Variants in CNTNAP5 observed in about 807,000 individuals in gnomAD.
CNTNAP5 encodes the protein contactin-associated protein-like 5.
CNTNAP5 carries 72 observed loss-of-function variants against 150.2 expected under a neutral mutation model. That is an observed-to-expected ratio of 0.48 (90% CI 0.40 to 0.58). The LOEUF (loss-of-function observed/expected upper bound fraction) is 0.58. Among genes scored for constraint, CNTNAP5 ranks in the 20% least tolerant of loss-of-function variants. CNTNAP5 has a pLI of 0.00. For missense variants in CNTNAP5, 1,636 were observed against 1,626.2 expected (o/e 1.01, Z -0.10); for synonymous variants, 672 against 619.8 (o/e 1.08, Z -1.25).
At chr2:124,748,518 G>C (rs748513842) in intron 14 of CNTNAP5, among the ~76,000 whole-genome samples, 4 of 152,028 alleles carry the variant, frequency 2.6e-5, no homozygotes, top group Non-Finnish European at 5.9e-5. Context: ...GCATTCTTTG[G>C]TTTTGGCTTA....
intron 3 of CNTNAP5, among the ~76,000 whole-genome samples, chr2:124,416,511 A>T (rs1049093113): frequency 1.3e-5 from 2 of 152,164 alleles, no homozygotes; most frequent in African/African-American, 2.4e-5. Context: ...TTCACAAGGA[A>T]ATATGTAAAA....
chr2:124,243,823 AAG>A lies in CNTNAP5; in HGVS notation c.381+1432_381+1433del, dbSNP rs201890817. Among the ~76,000 whole-genome samples the A allele has an allele frequency of 1.0e-3, 154 of 152,246 alleles. 3 individuals carry two copies. The East Asian group carries it at 0.023, about 23-fold the overall frequency. ...CTTGAACCTAAAATAAAAGTTGAAA[AAG>A]AAAAAAAATTGTATTTTGGGGACTA... is the stretch of plus-strand genomic sequence containing the variant. On this transcript the variant is annotated intron_variant, in intron 3 of 23. Transcript: ENST00000682447.
At chr2:124,252,404 T>C (rs1311053871) in intron 3 of CNTNAP5, among the ~76,000 whole-genome samples, 1 of 152,028 alleles carries the variant, frequency 6.6e-6, no homozygotes, top group Non-Finnish European at 1.5e-5. Context: ...CTGGCATAGG[T>C]GTATATAGGT....
rs80187544 is a variant in CNTNAP5, at chr2:124,362,855, A to T, written c.382-54588A>T. Among the ~76,000 whole-genome samples the T allele has an allele frequency of 5.3e-3, 800 of 152,300 alleles. 7 individuals carry two copies. Among genetic ancestry groups the T allele is most frequent in the Admixed American group, 9.5e-3 (145 of 15,300 alleles). ...ACACTCTCAATAAGTAATCGACTAC[A>T]TTCTATTTTTTTGTTCAGTGTTCTA... On this transcript the variant is annotated intron_variant, in intron 3 of 23. Coordinates refer to ENST00000682447, the MANE Select transcript of CNTNAP5 (RefSeq NM_001367498.1).
chr2:124,413,149 A>G lies in CNTNAP5; in HGVS notation c.382-4294A>G, dbSNP rs1056114930. On this transcript the variant is annotated intron_variant, in intron 3 of 23. Transcript: ENST00000682447. ...GAAAAAATGCTCATCATCACTGGCC[A>G]TCAGAGAAATGCAAATCAAAACCAC... Among the ~76,000 whole-genome samples the G allele has an allele frequency of 1.5e-5, 2 of 133,154 alleles. 1 individual carries two copies. The highest frequency in any genetic ancestry group is 5.5e-5 in the African/African-American group (2 of 36,212). The allele number at this position is 133,154 out of a possible 152,430, so 87.4% of individuals were successfully genotyped here. A position where few individuals can be genotyped will look rare whatever the true frequency, so the allele number is the denominator to read the frequency against.
intron 1 of CNTNAP5, among the ~76,000 whole-genome samples, chr2:124,218,869 A>T (rs751611198): frequency 6.6e-6 from 1 of 152,106 alleles, no homozygotes; most frequent in African/African-American, 2.4e-5. Context: ...TTTCCTCATC[A>T]GTTTATTTAT....
chr2:124,738,348 T>G (rs1221085054), intron 13 of CNTNAP5, among the ~76,000 whole-genome samples: 1 of 152,220 alleles, frequency 6.6e-6, no homozygotes, highest in Non-Finnish European at 1.5e-5. Context: ...TTTATTGTTA[T>G]CAGTTCCTAA....
chr2:124,571,915 C>G (rs1159850884), intron 11 of CNTNAP5, among the ~76,000 whole-genome samples: 1 of 151,926 alleles, frequency 6.6e-6, no homozygotes, highest in African/African-American at 2.4e-5. Context: ...ATGAAATAAG[C>G]AAACCAATAA....
intron 3 of CNTNAP5, among the ~76,000 whole-genome samples, chr2:124,369,638 C>G (rs1431219761): frequency 6.6e-6 from 1 of 152,062 alleles, no homozygotes; most frequent in Non-Finnish European, 1.5e-5. Flanking sequence ...TCAAATGACA[C>G]AATTTAACCT....
intron 1 of CNTNAP5, among the ~76,000 whole-genome samples, chr2:124,078,028 G>T (rs1311444014): frequency 6.6e-6 from 1 of 152,150 alleles, no homozygotes; most frequent in African/African-American, 2.4e-5. Flanking sequence ...GTTAACTTAA[G>T]CAATATATGT....
intron 19 of CNTNAP5, among the ~76,000 whole-genome samples, chr2:124,843,340 T>A: frequency 6.6e-6 from 1 of 152,132 alleles, no homozygotes; most frequent in South Asian, 2.1e-4. Flanking sequence ...TTTGCTACTA[T>A]AAACATGCAT....
chr2:124,579,478 G>C (rs1443435738), intron 11 of CNTNAP5, among the ~76,000 whole-genome samples: 1 of 152,210 alleles, frequency 6.6e-6, no homozygotes, highest in East Asian at 1.9e-4. Flanking sequence ...GATTAACGTA[G>C]AGACTGCTTA....
intron 16 of CNTNAP5, among the ~76,000 whole-genome samples, chr2:124,764,636 G>A (rs991938502): frequency 3.9e-5 from 6 of 152,102 alleles, no homozygotes; most frequent in African/African-American, 1.4e-4. Context: ...GGACAGTGGC[G>A]TATCTAATAA....
intron 19 of CNTNAP5, among the ~76,000 whole-genome samples, chr2:124,814,612 A>G (rs1201375219): frequency 6.6e-6 from 1 of 152,014 alleles, no homozygotes; most frequent in Non-Finnish European, 1.5e-5. Flanking sequence ...TTTTACAAGC[A>G]TATACTAATG....
In CNTNAP5 at chr2:124,634,674, A is replaced by AT. The variant is rs35061273; in HGVS notation, c.1877-13075dup. Among the ~76,000 whole-genome samples the AT allele has an allele frequency of 6.5e-3, 989 of 151,138 alleles. 4 individuals carry two copies. Among genetic ancestry groups the AT allele is most frequent in the Non-Finnish European group, 9.9e-3 (672 of 67,696 alleles). On this transcript the variant is annotated intron_variant, in intron 12 of 23. Transcript: ENST00000682447. ...AGGCATGCACTACCATGCCTGGCTAATTTTTTTTTGATAGAGATGGAGTTT... is the reference window on the plus strand; with the variant it reads ...AGGCATGCACTACCATGCCTGGCTAATTTTTTTTTTGATAGAGATGGAGTTT...
rs1435812297 is a variant in CNTNAP5, at chr2:124,655,941, GAGAGAGAA to G, written c.2077+7987_2077+7994del. Among the ~76,000 whole-genome samples, 437 of 58,114 alleles carry G rather than the reference GAGAGAGAA, an allele frequency of 7.5e-3. 5 individuals are homozygous for G. Among genetic ancestry groups the G allele is most frequent in the African/African-American group, 0.026 (394 of 14,950 alleles). 38.1% of individuals were successfully genotyped at this position (58,114 alleles called of 152,430 possible). A position where few individuals can be genotyped will look rare whatever the true frequency, so the allele number is the denominator to read the frequency against. On this transcript the variant is annotated intron_variant, in intron 13 of 23. Transcript: ENST00000682447. ...AGACAGAAAGAGAGAGAGAGAGAGA[GAGAGAGAA>G]AGAAAGAAAGAAAGAAAGAAAGAAA...
intron 3 of CNTNAP5, among the ~76,000 whole-genome samples, chr2:124,415,484 A>G (rs1691894340): frequency 6.6e-6 from 1 of 152,230 alleles, no homozygotes; most frequent in South Asian, 2.1e-4. Flanking sequence ...AAATATAATC[A>G]AGGTTAAGGT....
chr2:124,567,103 C>T (rs1013298861), intron 11 of CNTNAP5, among the ~76,000 whole-genome samples: 1 of 152,152 alleles, frequency 6.6e-6, no homozygotes, highest in African/African-American at 2.4e-5. Context: ...TTTTCCCCCT[C>T]ATTGTTGGTG....
At chr2:124,524,586 A>G in intron 9 of CNTNAP5, 134 bp downstream of exon 9, 2 of 773,384 alleles carry the variant, frequency 2.6e-6, no homozygotes, top group Non-Finnish European at 2.0e-6. Flanking sequence ...ACACATGCAC[A>G]TACACACACA....
Sources: allele counts gnomAD v4.1 joint callset (sites outside exome capture counted in the v4.1 genomes callset), GRCh38; gene constraint gnomAD v4.1.1; transcripts MANE v1.5; gene names NCBI Gene and HGNC (gene_info 2026-07-23, HGNC 2026-07-21).